The following ZNF493 variants were observed in gnomAD, a reference collection of about 807,000 sequenced individuals.
The protein encoded by ZNF493 is zinc finger protein 493.
A neutral mutation model predicts 12.2 loss-of-function variants in ZNF493; 11 were observed. That is an observed-to-expected ratio of 0.90 (90% confidence interval 0.57 to 1.50). The LOEUF (loss-of-function observed/expected upper bound fraction) is 1.50. Ranked by LOEUF, ZNF493 falls within the 40% of genes most tolerant of loss-of-function variation. The pLI, the probability that ZNF493 is intolerant of heterozygous loss-of-function variation, is 0.00. For missense variants in ZNF493, 950 were observed against 906.6 expected (o/e 1.05, Z -0.61); for synonymous variants, 286 against 302.6 (o/e 0.95, Z 0.57).
At chr19:21,408,923 C>T in intron 3 of ZNF493, 7 of 683,948 alleles carry the variant, frequency 1.0e-5, no homozygotes, top group Non-Finnish European at 1.3e-5. Context: ...CGCTCTGTCG[C>T]CCAGGCTGGA....
intron 3 of ZNF493, chr19:21,413,871 A>G (rs1356078759): frequency 1.2e-5 from 2 of 162,084 alleles, no homozygotes; most frequent in African/African-American, 2.4e-5. Context: ...AAAGTTAATA[A>G]TGCTAGATTC....
chr19:21,427,301 T>A lies in ZNF493; in HGVS notation c.*2317T>A, dbSNP rs960308373. ...TATATTTTACTAATTGTACTTTTTTTATTATACTTTAAGTTTTAGGGTACA... is the reference window on the plus strand; with the variant it reads ...TATATTTTACTAATTGTACTTTTTTAATTATACTTTAAGTTTTAGGGTACA... On this transcript the variant is annotated 3_prime_UTR_variant, in exon 4 of 4. Coordinates refer to ENST00000392288, the MANE Select transcript of ZNF493 (RefSeq NM_001076678.3). 3 of 165,520 alleles carry A rather than the reference T, an allele frequency of 1.8e-5. No individual in the cohort carries two copies. The highest frequency in any genetic ancestry group is 4.8e-5 in the African/African-American group (2 of 41,458). 10.3% of individuals were successfully genotyped at this position (165,520 alleles called of 1,614,324 possible).
At chr19:21,422,807 A>G (rs1599380959) in intron 3 of ZNF493, 106 bp from the exon 4 acceptor site, 9 of 988,178 alleles carry the variant, frequency 9.1e-6, no homozygotes, top group Non-Finnish European at 1.3e-5. Context: ...GTATTTTGCT[A>G]TGCTATCTGG....
chr19:21,426,022 T>C lies in ZNF493; in HGVS notation c.*1038T>C, dbSNP rs542543694. ...TTCATACTGGAGAGAAACCCTATGA[T>C]TGTGAAAAATATGGCAAAGGCTTTA... On this transcript the variant is annotated 3_prime_UTR_variant, in exon 4 of 4. Transcript: ENST00000392288. 1.3e-5 allele frequency: 7 copies of C among 524,684 alleles called. No individual in the cohort carries two copies. The East Asian group carries it at 2.2e-4, about 16-fold the overall frequency. The allele number at this position is 524,684 out of a possible 1,614,324, so 32.5% of individuals were successfully genotyped here. A position where few individuals can be genotyped will look rare whatever the true frequency, so the allele number is the denominator to read the frequency against.
chr19:21,414,963 T>C (rs1016465514), intron 3 of ZNF493, among the ~76,000 whole-genome samples: 1 of 152,186 alleles, frequency 6.6e-6, no homozygotes, highest in East Asian at 1.9e-4. Flanking sequence ...TAAGACTATT[T>C]ATAAAAGCTT....
chr19:21,418,350 G>A (rs2030555519), intron 3 of ZNF493, among the ~76,000 whole-genome samples: 1 of 152,080 alleles, frequency 6.6e-6, no homozygotes, highest in African/African-American at 2.4e-5. Flanking sequence ...AAGTTCCAAG[G>A]TGGAATGAAC....
At chr19:21,405,565 AT>A in intron 2 of ZNF493, 195 bp from the exon 3 acceptor site, 4 of 1,246,206 alleles carry the variant, frequency 3.2e-6, no homozygotes, top group Non-Finnish European at 4.2e-6. Flanking sequence ...TTTTTTATCC[AT>A]GAATACTGGG....
intron 3 of ZNF493, 150 bp from the exon 4 acceptor site, chr19:21,422,763 T>A (rs2030718467): frequency 1.5e-6 from 1 of 653,616 alleles, no homozygotes; most frequent in Non-Finnish European, 2.3e-6. Context: ...TTGGTTAGTA[T>A]GTTTTCATTA....
intron 1 of ZNF493, among the ~76,000 whole-genome samples, chr19:21,399,555 G>A (rs559104083): frequency 2.0e-5 from 3 of 152,294 alleles, no homozygotes; most frequent in East Asian, 3.9e-4. Flanking sequence ...GCTGTAAATT[G>A]CATTATATTA....
chr19:21,409,778 A>G (rs1285118036), intron 3 of ZNF493, among the ~76,000 whole-genome samples: 1 of 151,576 alleles, frequency 6.6e-6, no homozygotes. Context: ...CATGTTAAGT[A>G]TATTCACATT....
chr19:21,423,537 A>G lies in ZNF493; in HGVS notation c.878A>G (p.Tyr293Cys), dbSNP rs913022582. Reference protein sequence around the residue: ...HKLIHTREKPYKCEQYGKTFN... With the variant: ...HKLIHTREKPCKCEQYGKTFN... ...CTAATTCATACTAGAGAGAAACCCT[A>G]TAAATGTGAACAATATGGCAAAACT... Residue 293 changes from tyrosine (Y) to cysteine (C), a missense_variant, in exon 4 of 4, where the codon TAT (tyrosine) becomes TGT (cysteine). Transcript: ENST00000392288. 6.2e-7 allele frequency: 1 copy of G among 1,613,816 alleles called. No individual in the cohort carries two copies. The highest frequency in any genetic ancestry group is 8.5e-7 in the Non-Finnish European group (1 of 1,179,856).
chr19:21,402,373 G>A (rs2029976881), intron 1 of ZNF493, among the ~76,000 whole-genome samples: 1 of 152,164 alleles, frequency 6.6e-6, no homozygotes, highest in Admixed American at 6.5e-5. Flanking sequence ...ATTGTTCCAA[G>A]GTTATAATCC....
chr19:21,406,432 T>C (rs975888059), intron 3 of ZNF493, among the ~76,000 whole-genome samples: 3 of 152,040 alleles, frequency 2.0e-5, no homozygotes, highest in African/African-American at 7.2e-5. Flanking sequence ...TTTCTCTTCA[T>C]TGATACTCCT....
Position 21,405,773 on chromosome 19 carries a change from C to G in ZNF493, c.170C>G (p.Ser57Cys), listed in dbSNP as rs1039952958. Residue 57 changes from serine to cysteine, a missense_variant, in exon 3 of 4, where the codon TCT (serine) becomes TGT (cysteine). Coordinates refer to ENST00000392288, the MANE Select transcript of ZNF493 (RefSeq NM_001076678.3). ...TTTAATAAAGCAGGTATTGCTGTCT[C>G]TAAGCCAGATCTGGTCACCTGTCTG... is the stretch of plus-strand genomic sequence containing the variant. Reference protein sequence around the residue: ...RNLVFLGIAVSKPDLVTCLEQ... With the variant: ...RNLVFLGIAVCKPDLVTCLEQ... 1 of 1,612,050 alleles carries G rather than the reference C, an allele frequency of 6.2e-7. No homozygotes were observed. The highest frequency in any genetic ancestry group is 8.5e-7 in the Non-Finnish European group (1 of 1,179,246).
intron 3 of ZNF493, among the ~76,000 whole-genome samples, chr19:21,421,036 C>T (rs977114920): frequency 8.5e-5 from 13 of 152,088 alleles, no homozygotes; most frequent in Non-Finnish European, 1.3e-4. Context: ...GCATGAGCTG[C>T]TGCACCCAGC....
At chr19:21,419,544 G>T (rs146261761) in intron 3 of ZNF493, among the ~76,000 whole-genome samples, 3 of 152,042 alleles carry the variant, frequency 2.0e-5, no homozygotes, top group Non-Finnish European at 2.9e-5. Flanking sequence ...AAAGATGAAG[G>T]CTAGGCCAAT....
intron 3 of ZNF493, chr19:21,413,024 G>A: frequency 2.9e-6 from 1 of 343,558 alleles, no homozygotes; most frequent in Non-Finnish European, 5.6e-6. Flanking sequence ...CAGATCAGCT[G>A]AACACAGTGT....
rs1411992746 is a variant in ZNF493, at chr19:21,397,158, C to G, written c.-80C>G. 2.6e-6 allele frequency: 4 copies of G among 1,546,576 alleles called. No homozygotes were observed. The highest frequency in any genetic ancestry group is 1.7e-5 in the Admixed American group (1 of 59,554). The stretch of plus-strand genomic sequence containing the variant: ...ATTGTTTCTCTCTGCTGCCGGAGCT[C>G]CAGGTCTACCCTTCACTGCTCTGTG... On this transcript the variant is annotated 5_prime_UTR_variant, in exon 1 of 4. Coordinates refer to ENST00000392288, the MANE Select transcript of ZNF493 (RefSeq NM_001076678.3).
chr19:21,397,151 C>T lies in ZNF493; in HGVS notation c.-87C>T, dbSNP rs889193456. 2.7e-6 allele frequency: 4 copies of T among 1,497,254 alleles called. No homozygotes were observed. The highest frequency in any genetic ancestry group is 2.7e-5 in the African/African-American group (2 of 72,942). 92.7% of individuals were successfully genotyped at this position (1,497,254 alleles called of 1,614,324 possible). A position where few individuals can be genotyped will look rare whatever the true frequency, so the allele number is the denominator to read the frequency against. On this transcript the variant is annotated 5_prime_UTR_variant, in exon 1 of 4. Coordinates refer to ENST00000392288, the MANE Select transcript of ZNF493 (RefSeq NM_001076678.3). ...CTGGGCCATTGTTTCTCTCTGCTGCCGGAGCTCCAGGTCTACCCTTCACTG... is the reference window on the plus strand; with the variant it reads ...CTGGGCCATTGTTTCTCTCTGCTGCTGGAGCTCCAGGTCTACCCTTCACTG...
Sources: allele counts gnomAD v4.1 joint callset (sites outside exome capture counted in the v4.1 genomes callset), GRCh38; gene constraint gnomAD v4.1.1; transcripts MANE v1.5; gene names NCBI Gene and HGNC (gene_info 2026-07-23, HGNC 2026-07-21).